The following ASIC2 variants were observed in gnomAD, a reference collection of about 807,000 sequenced individuals.
The protein encoded by ASIC2 is acid-sensing ion channel 2.
A neutral mutation model predicts 57.3 loss-of-function variants in ASIC2; 25 were observed. The observed-to-expected ratio is 0.44, with a 90% confidence interval of 0.32 to 0.61. ASIC2 has a LOEUF of 0.61. ASIC2 is among the 20% of genes least tolerant of loss of function. The pLI, the probability that ASIC2 is intolerant of heterozygous loss-of-function variation, is 0.06. For synonymous variants in ASIC2, 319 were observed against 307.5 expected, an observed-to-expected ratio of 1.04 and a Z score of -0.39; for missense variants, 641 against 738.1, an observed-to-expected ratio of 0.87 and a Z score of 1.52.
At chr17:33,073,469 C>T (rs1013745560) in intron 3 of ASIC2, among the ~76,000 whole-genome samples, 2 of 152,124 alleles carry the variant, frequency 1.3e-5, no homozygotes, top group African/African-American at 4.8e-5. Context: ...CCTTACCAAG[C>T]CTTAGTTTCC....
At chr17:34,012,458 C>G (rs1394105662) in intron 1 of ASIC2, among the ~76,000 whole-genome samples, 1 of 152,198 alleles carries the variant, frequency 6.6e-6, no homozygotes, top group Admixed American at 6.5e-5. Context: ...CACAACTGGC[C>G]TGGGTACTGC....
chr17:34,094,150 C>T (rs757595604), intron 1 of ASIC2, among the ~76,000 whole-genome samples: 18 of 152,208 alleles, frequency 1.2e-4, no homozygotes, highest in Non-Finnish European at 2.6e-4. Context: ...GAGATGCAGA[C>T]AAGGGAAACC....
chr17:33,097,295 T>G (rs2092185817), intron 2 of ASIC2, among the ~76,000 whole-genome samples: 1 of 152,244 alleles, frequency 6.6e-6, no homozygotes, highest in Admixed American at 6.5e-5. Flanking sequence ...TTCACAGACT[T>G]GATCCTGCTG....
intron 1 of ASIC2, among the ~76,000 whole-genome samples, chr17:33,369,065 A>T (rs778095397): frequency 6.6e-6 from 1 of 152,222 alleles, no homozygotes. Context: ...TATGAAGATT[A>T]TCCTTGGTGG....
At chr17:33,463,697 C>T (rs1301347814) in intron 1 of ASIC2, among the ~76,000 whole-genome samples, 1 of 152,196 alleles carries the variant, frequency 6.6e-6, no homozygotes, top group Non-Finnish European at 1.5e-5. Context: ...TCTCAGACTC[C>T]TGCCCTCCTA....
intron 1 of ASIC2, among the ~76,000 whole-genome samples, chr17:33,856,985 A>G (rs557293626): frequency 3.6e-4 from 55 of 152,136 alleles, no homozygotes; most frequent in African/African-American, 1.3e-3. Context: ...TGTGGCACCC[A>G]AGGGGACCCC....
chr17:33,443,379 C>G (rs1399854873), intron 1 of ASIC2, among the ~76,000 whole-genome samples: 2 of 128,374 alleles, frequency 1.6e-5, no homozygotes, highest in African/African-American at 6.0e-5. Context: ...TGGGCCTGAA[C>G]TTTTTTTATG....
chr17:34,025,400 G>T (rs1012348772), intron 1 of ASIC2, among the ~76,000 whole-genome samples: 2 of 152,198 alleles, frequency 1.3e-5, no homozygotes, highest in Non-Finnish European at 2.9e-5. Context: ...CCCTCGTGGA[G>T]TGGACTGCTC....
chr17:33,644,614 C>T (rs375103816), intron 1 of ASIC2, among the ~76,000 whole-genome samples: 3 of 152,144 alleles, frequency 2.0e-5, no homozygotes, highest in Admixed American at 1.3e-4. Context: ...AAAATGCATC[C>T]GATTATCAGA....
intron 1 of ASIC2, among the ~76,000 whole-genome samples, chr17:33,273,349 T>C (rs555700188): frequency 1.3e-5 from 2 of 152,360 alleles, no homozygotes; most frequent in South Asian, 4.1e-4. Flanking sequence ...TATTTATAGC[T>C]TTTTCTGTTT....
At chr17:33,237,352 GTTT>G (rs61364467) in intron 1 of ASIC2, among the ~76,000 whole-genome samples, 2 of 143,342 alleles carry the variant, frequency 1.4e-5, no homozygotes, top group Non-Finnish European at 1.5e-5. Context: ...CCACTTAGTA[GTTT>G]TTTTTTTTTT....
At chr17:33,112,121 G>A in intron 1 of ASIC2, 54 bp from the exon 2 acceptor site, 1 of 1,538,840 alleles carries the variant, frequency 6.5e-7, no homozygotes, top group Non-Finnish European at 8.8e-7. Flanking sequence ...TTCAGACGGG[G>A]GTCCAGAGAT....
intron 1 of ASIC2, among the ~76,000 whole-genome samples, chr17:33,121,784 T>C (rs1382926577): frequency 2.6e-5 from 4 of 152,156 alleles, no homozygotes; most frequent in Non-Finnish European, 5.9e-5. Context: ...CTGTGCACAA[T>C]GAATAATGGA....
intron 1 of ASIC2, among the ~76,000 whole-genome samples, chr17:33,373,969 C>A (rs912408145): frequency 6.6e-6 from 1 of 151,914 alleles, no homozygotes; most frequent in Non-Finnish European, 1.5e-5. Context: ...TGAACCACTG[C>A]GCCCTGCTGT....
At chr17:33,577,697 C>G (rs1916674278) in intron 1 of ASIC2, among the ~76,000 whole-genome samples, 1 of 152,178 alleles carries the variant, frequency 6.6e-6, no homozygotes, top group Non-Finnish European at 1.5e-5. Context: ...CCCTCATTCT[C>G]TAAGGAATTA....
rs558726763 is a variant in ASIC2, at chr17:33,619,077, T to G, written c.556-507010A>C. On this transcript the variant is annotated intron_variant, in intron 1 of 9. Transcript: ENST00000359872. ...GACCATAAGGCATAGAAAACAGCAC[T>G]GAAGATCAAAAGAAAAAAGTATTAG... 5.3e-5 allele frequency among the ~76,000 whole-genome samples: 8 copies of G among 152,268 alleles called. No individual in the cohort carries two copies. In the South Asian group the frequency reaches 1.7e-3, roughly 32 times the overall value.
chr17:33,524,325 C>T (rs996991672), intron 1 of ASIC2, among the ~76,000 whole-genome samples: 15 of 152,178 alleles, frequency 9.9e-5, no homozygotes, highest in Admixed American at 2.0e-4. Context: ...ATTCCCATTT[C>T]ACAGAGGAGG....
intron 1 of ASIC2, among the ~76,000 whole-genome samples, chr17:34,015,071 T>TC (rs1390277637): frequency 6.7e-6 from 1 of 148,262 alleles, no homozygotes; most frequent in Non-Finnish European, 1.5e-5. Context: ...CTTCTGCCTT[T>TC]TTTTTTTTTT....
At chr17:33,993,654 G>T (rs894847450) in intron 1 of ASIC2, among the ~76,000 whole-genome samples, 1 of 152,210 alleles carries the variant, frequency 6.6e-6, no homozygotes, top group Non-Finnish European at 1.5e-5. Context: ...TCTGCCTATA[G>T]AAAATGAAGT....
Sources: gnomAD v4.1 joint callset for allele counts (sites outside exome capture counted in the v4.1 genomes callset) on GRCh38, gnomAD v4.1.1 for gene constraint, MANE v1.5 for transcripts, NCBI Gene and HGNC (gene_info 2026-07-23, HGNC 2026-07-21) for gene names.